CYRIA: variants seen among roughly 807,000 people sequenced by gnomAD.
CYRIA encodes the protein CYFIP-related Rac1 interactor A.
A neutral mutation model predicts 43.9 loss-of-function variants in CYRIA; 15 were observed. The ratio of observed to expected loss-of-function variants is 0.34; its 90% CI spans 0.23 to 0.53. CYRIA has a LOEUF of 0.53. Ranked by LOEUF, CYRIA falls within the 20% of genes least tolerant of loss-of-function variation. The pLI is 0.94. For missense variants in CYRIA, 236 were observed against 394.2 expected (o/e 0.60, Z 3.40); for synonymous variants, 117 against 136.0 (o/e 0.86, Z 0.97).
At chr2:16,652,247 A>C (rs979750009) in intron 1 of CYRIA, among the ~76,000 whole-genome samples, 6 of 151,156 alleles carry the variant, frequency 4.0e-5, no homozygotes, top group African/African-American at 1.5e-4. Flanking sequence ...GCTCTTACCT[A>C]CCCCCCTCAC....
intron 3 of CYRIA, among the ~76,000 whole-genome samples, chr2:16,586,757 T>A (rs1289838728): frequency 6.6e-6 from 1 of 152,132 alleles, no homozygotes; most frequent in Admixed American, 6.6e-5. Flanking sequence ...TTAATCTATA[T>A]GCAAGGAAGT....
intron 1 of CYRIA, among the ~76,000 whole-genome samples, chr2:16,633,107 T>A (rs928347410): frequency 6.6e-6 from 1 of 152,190 alleles, no homozygotes; most frequent in Admixed American, 6.5e-5. Context: ...AGGGTACAAG[T>A]TCTTCCATAA....
chr2:16,617,213 G>A (rs866696438), intron 2 of CYRIA, among the ~76,000 whole-genome samples: 11 of 152,220 alleles, frequency 7.2e-5, no homozygotes, highest in Middle Eastern at 6.3e-3. Flanking sequence ...GAGGCCCTAA[G>A]AGGAGCACAG....
chr2:16,664,320 G>A (rs1024806610), intron 1 of CYRIA, among the ~76,000 whole-genome samples: 5 of 152,036 alleles, frequency 3.3e-5, no homozygotes, highest in Non-Finnish European at 5.9e-5. Context: ...TGGGCCCAGC[G>A]CCCATGTTTA....
chr2:16,584,477 C>T (rs1323271170), intron 3 of CYRIA, among the ~76,000 whole-genome samples: 2 of 152,194 alleles, frequency 1.3e-5, no homozygotes, highest in East Asian at 1.9e-4. Context: ...CCTTGGACTG[C>T]TCAAGCCCCC....
At chr2:16,627,765 G>A (rs189068202) in intron 1 of CYRIA, among the ~76,000 whole-genome samples, 2 of 152,330 alleles carry the variant, frequency 1.3e-5, no homozygotes, top group East Asian at 1.9e-4. Context: ...GACAGCTGCT[G>A]TGCAGGCAGA....
intron 2 of CYRIA, among the ~76,000 whole-genome samples, chr2:16,593,749 A>C (rs1321906808): frequency 9.7e-6 from 1 of 103,134 alleles, no homozygotes; most frequent in Non-Finnish European, 1.9e-5. Flanking sequence ...ATTATACTCT[A>C]AGTTTTAGGG....
intron 3 of CYRIA, among the ~76,000 whole-genome samples, chr2:16,569,633 C>T (rs528333227): frequency 3.9e-5 from 6 of 152,162 alleles, no homozygotes; most frequent in Non-Finnish European, 7.3e-5. Flanking sequence ...AAGAGAGTGA[C>T]AACTGGGAGA....
intron 1 of CYRIA, among the ~76,000 whole-genome samples, chr2:16,643,866 A>C (rs1290921055): frequency 1.3e-5 from 2 of 152,260 alleles, no homozygotes; most frequent in Admixed American, 6.5e-5. Flanking sequence ...ACAGCATTCC[A>C]CTAGGCTTCA....
intron 3 of CYRIA, among the ~76,000 whole-genome samples, chr2:16,586,447 T>C (rs894402782): frequency 3.9e-5 from 6 of 152,128 alleles, no homozygotes; most frequent in African/African-American, 1.4e-4. Context: ...CCATTTTATA[T>C]ATCAACTCGC....
chr2:16,644,868 C>G (rs547106058), intron 1 of CYRIA, among the ~76,000 whole-genome samples: 4 of 152,284 alleles, frequency 2.6e-5, no homozygotes, highest in African/African-American at 7.2e-5. Flanking sequence ...ACCAACCCCC[C>G]ACACACGGAG....
chr2:16,622,226 T>C (rs1669019157), intron 2 of CYRIA, among the ~76,000 whole-genome samples: 1 of 152,166 alleles, frequency 6.6e-6, no homozygotes, highest in Non-Finnish European at 1.5e-5. Flanking sequence ...AGTTTTCAGC[T>C]AATACCTCAT....
In CYRIA at chr2:16,550,006, G is replaced by GA. The variant is rs1376636088; in HGVS notation, c.*2929_*2930insT. 1 of 135,780 alleles carries GA rather than the reference G, an allele frequency of 7.4e-6. No individual in the cohort carries two copies. The highest frequency in any genetic ancestry group is 2.4e-4 in the South Asian group (1 of 4,086). 8.4% of individuals were successfully genotyped at this position (135,780 alleles called of 1,614,324 possible). On this transcript the variant is annotated 3_prime_UTR_variant, in exon 12 of 12. Coordinates refer to ENST00000381323, the MANE Select transcript of CYRIA (RefSeq NM_030797.4). ...CCAGTTGTTTTTTTTTTTTGTTATT[G>GA]TTTTTTTTTTTCTACTACTAATTCC...
intron 1 of CYRIA, among the ~76,000 whole-genome samples, chr2:16,644,135 G>A (rs533988109): frequency 5.3e-5 from 8 of 152,322 alleles, no homozygotes; most frequent in East Asian, 3.9e-4. Context: ...ATAATAAAAC[G>A]AAGCTGATAT....
intron 2 of CYRIA, among the ~76,000 whole-genome samples, chr2:16,605,574 G>A (rs1668369065): frequency 6.6e-6 from 1 of 152,178 alleles, no homozygotes; most frequent in Non-Finnish European, 1.5e-5. Flanking sequence ...AGGGCAAGGG[G>A]CCCCAGAGAC....
At chr2:16,639,267 C>G (rs1455407192) in intron 1 of CYRIA, among the ~76,000 whole-genome samples, 1 of 152,232 alleles carries the variant, frequency 6.6e-6, no homozygotes, top group Admixed American at 6.5e-5. Context: ...ACCCACCTTT[C>G]TTATTTCGCC....
intron 6 of CYRIA, 116 bp from the exon 7 acceptor site, chr2:16,561,649 T>C (rs755392599): frequency 5.0e-6 from 4 of 799,772 alleles, no homozygotes; most frequent in Non-Finnish European, 6.1e-6. Flanking sequence ...CTTTGTTACA[T>C]AAGAGTCAAA....
In CYRIA at chr2:16,661,942, G is replaced by A. The variant is rs116521074; in HGVS notation, c.-167+3838C>T. On this transcript the variant is annotated intron_variant, in intron 1 of 11. Coordinates refer to ENST00000381323, the MANE Select transcript of CYRIA (RefSeq NM_030797.4). ...AGAAAAATGTATATTAATGTTTATA[G>A]TAACTTAAAAAAAAGAAGTTCAACA... Among the ~76,000 whole-genome samples the A allele has an allele frequency of 9.3e-3, 1,414 of 152,140 alleles. 15 individuals carry two copies. The highest frequency in any genetic ancestry group is 0.029 in the African/African-American group (1,187 of 41,478).
intron 1 of CYRIA, among the ~76,000 whole-genome samples, chr2:16,654,885 G>A (rs1249222954): frequency 6.6e-6 from 1 of 152,102 alleles, no homozygotes; most frequent in Non-Finnish European, 1.5e-5. Context: ...TCACTGGTTA[G>A]AAAAAAATAA....
Sources: gnomAD v4.1 joint callset for allele counts (sites outside exome capture counted in the v4.1 genomes callset) on GRCh38, gnomAD v4.1.1 for gene constraint, MANE v1.5 for transcripts, NCBI Gene and HGNC (gene_info 2026-07-23, HGNC 2026-07-21) for gene names.